KIF17: variants seen among roughly 807,000 people sequenced by gnomAD.
The protein encoded by KIF17 is kinesin family member 17.
A neutral mutation model predicts 96.8 loss-of-function variants in KIF17; 80 were observed. The ratio of observed to expected loss-of-function variants is 0.83; its 90% CI spans 0.69 to 1.00. KIF17 has a LOEUF of 1.00. Among genes scored for constraint, KIF17 ranks in the 50% least tolerant of loss-of-function variants. The probability of loss-of-function intolerance (pLI) is 0.00; values close to 1 mark genes in which losing one functional copy is unlikely to be tolerated. For synonymous variants in KIF17, 567 were observed against 587.5 expected (o/e 0.97, Z 0.51); for missense variants, 1,280 against 1,372.9 (o/e 0.93, Z 1.07).
chr1:20,703,486 A>AGATGGATGGATG (rs1491257356), intron 5 of KIF17, among the ~76,000 whole-genome samples: 4 of 103,148 alleles, frequency 3.9e-5, no homozygotes, highest in East Asian at 3.3e-4. Flanking sequence ...ATAGATGGAT[A>AGATGGATGGATG]GATGGATGGA....
chr1:20,707,466 A>AG (rs2054361210), intron 4 of KIF17, among the ~76,000 whole-genome samples: 1 of 75,492 alleles, frequency 1.3e-5, no homozygotes. Context: ...AAACATTCAC[A>AG]GGAAAAAAGG....
Position 20,704,550 on chromosome 1 carries a change from G to A in KIF17, c.1020C>T (p.Arg340=), listed in dbSNP as rs921187363. The part of the protein sequence containing the change: ...NRAKNIRNKP[R]INEDPKDALL... ...GCGCATCCTTGGGGTCCTCATTGAT[G>A]CGCGGCTTGTTCCTGATGTTCTTGG... Residue 340 remains arginine (R), a synonymous_variant, in exon 5 of 15, where the codon CGC becomes CGT. Coordinates refer to ENST00000400463, the MANE Select transcript of KIF17 (RefSeq NM_001122819.3). This position sits in a 1 kb window ranked among gnomAD's most constrained non-coding sequence, Gnocchi z 6.8. The A allele has an allele frequency of 1.2e-6, 2 of 1,614,216 alleles. No homozygotes were observed. Among genetic ancestry groups the A allele is most frequent in the South Asian group, 2.2e-5 (2 of 91,084 alleles).
intron 3 of KIF17, among the ~76,000 whole-genome samples, chr1:20,710,787 G>A (rs2054421858): frequency 6.6e-6 from 1 of 152,186 alleles, no homozygotes. Context: ...AAACAGCCAA[G>A]CCCCACCAAG....
Position 20,715,474 on chromosome 1 carries a change from C to T in KIF17, c.378+19G>A, listed in dbSNP as rs764142714. The T allele has an allele frequency of 2.9e-5, 46 of 1,609,958 alleles. No homozygotes were observed. The South Asian group carries it at 4.8e-4, about 17-fold the overall frequency. Reference sequence around the variant, plus strand: ...AGCTGCAGCTCTGGCCCTGCCCCTTCCCTCTGCGAGGCCCGTACCTGGACG... The same window carrying T: ...AGCTGCAGCTCTGGCCCTGCCCCTTTCCTCTGCGAGGCCCGTACCTGGACG... On this transcript the variant is annotated intron_variant, in intron 2 of 14. Transcript: ENST00000400463.
At chr1:20,671,029 G>C (rs2053639050) in intron 12 of KIF17, among the ~76,000 whole-genome samples, 1 of 152,192 alleles carries the variant, frequency 6.6e-6, no homozygotes, top group Non-Finnish European at 1.5e-5. Context: ...GAGAGGGACA[G>C]TGATCTTCGG....
chr1:20,664,232 A>G lies in KIF17; in HGVS notation c.*352T>C. ...CCACGTGGCAGCTGCTGCCCTCTCC[A>G]TCAGGGCTGGTGAAGGCCGTGAAGC... On this transcript the variant is annotated 3_prime_UTR_variant, in exon 15 of 15. Transcript: ENST00000400463. 1.3e-6 allele frequency: 1 copy of G among 798,166 alleles called. No homozygotes were observed. Among genetic ancestry groups the G allele is most frequent in the Admixed American group, 3.7e-5 (1 of 27,320 alleles). 49.4% of individuals were successfully genotyped at this position (798,166 alleles called of 1,614,324 possible).
At chr1:20,683,073 C>T (rs1201026703) in intron 10 of KIF17, among the ~76,000 whole-genome samples, 189 bp from the exon 11 acceptor site, 1 of 152,182 alleles carries the variant, frequency 6.6e-6, no homozygotes, top group Non-Finnish European at 1.5e-5. Context: ...TCCTGCCCAA[C>T]TCCCTGCCTG....
In KIF17 at chr1:20,670,486, A is replaced by C. The variant is rs779584544; in HGVS notation, c.2725T>G (p.Ser909Ala). ...GCTGGTTTGTTCTGTGGCCCAGTTG[A>C]AACTGCTATGAGAAAACAAAAGCTG... The part of the protein sequence containing the change: ...VITKTSLPVV[S>A]TGPQNKPARK... Residue 909 changes from serine (S) to alanine (A), a missense_variant and splice_region_variant, in exon 13 of 15, where the codon TCA becomes GCA. Ser to Ala is a moderately conservative substitution (Grantham distance 99, BLOSUM62 1). Transcript: ENST00000400463. 6.2e-7 allele frequency: 1 copy of C among 1,614,030 alleles called. No individual in the cohort carries two copies. Among genetic ancestry groups the C allele is most frequent in the East Asian group, 2.2e-5 (1 of 44,886 alleles).
rs1238114479 is a variant in KIF17 at position 20,685,702 on chromosome 1, G to A, written c.2019+344C>T. 6.6e-6 allele frequency among the ~76,000 whole-genome samples: 1 copy of A among 152,052 alleles called. No individual in the cohort carries two copies. Among genetic ancestry groups the A allele is most frequent in the Non-Finnish European group, 1.5e-5 (1 of 68,020 alleles). ...TTGCTCCCCTGGGGTGTTCAAATTG[G>A]GTTCCCCGATGGTGTCATAGGGGCC... is the stretch of plus-strand genomic sequence containing the variant. On this transcript the variant is annotated intron_variant, in intron 9 of 14. Transcript: ENST00000400463. This position sits in a 1 kb window ranked among gnomAD's most constrained non-coding sequence, Gnocchi z 4.1.
chr1:20,716,064 C>A (rs1570491158), intron 1 of KIF17, among the ~76,000 whole-genome samples: 1 of 152,054 alleles, frequency 6.6e-6, no homozygotes, highest in Non-Finnish European at 1.5e-5. Context: ...CTTGGCAACA[C>A]GGTGAAACCC....
Position 20,684,959 on chromosome 1 carries a change from C to T in KIF17, c.2081G>A (p.Trp694Ter), listed in dbSNP as rs1180209726. Residue 694 changes from tryptophan (W) to a stop codon, truncating the protein, a stop_gained, in exon 10 of 15, where the codon TGG (tryptophan) becomes TAG (stop). Coordinates refer to ENST00000400463, the MANE Select transcript of KIF17 (RefSeq NM_001122819.3). LOFTEE classifies it high-confidence loss of function. ...GGCCACCGGGGCCTGAGCCTCCAAC[C>T]ACACGCCAGGCTCTGCTGTCCGCAC... The part of the protein sequence containing the change: ...EVVRTAEPGV[W>*]LEAQAPVALV... The T allele has an allele frequency of 6.2e-7, 1 of 1,605,216 alleles. No individual in the cohort carries two copies. Among genetic ancestry groups the T allele is most frequent in the African/African-American group, 1.3e-5 (1 of 74,862 alleles).
chr1:20,698,291 C>T (rs762611250), intron 6 of KIF17, 88 bp downstream of exon 6: 57 of 863,808 alleles, frequency 6.6e-5, no homozygotes, highest in African/African-American at 2.0e-4. Flanking sequence ...ACGGTGATAT[C>T]GCGTTGGACC....
At chr1:20,690,939 G>A (rs1446362664) in intron 6 of KIF17, among the ~76,000 whole-genome samples, 1 of 151,938 alleles carries the variant, frequency 6.6e-6, no homozygotes, top group African/African-American at 2.4e-5. Context: ...CACCCGCCTT[G>A]GCCTCCCAAA....
At position 20,664,407 on chromosome 1, in the gene KIF17, A is replaced by T; in HGVS notation, c.*177T>A. 1.3e-6 allele frequency: 2 copies of T among 1,505,814 alleles called. No individual in the cohort carries two copies. The highest frequency in any genetic ancestry group is 1.8e-6 in the Non-Finnish European group (2 of 1,130,704). 93.3% of individuals were successfully genotyped at this position (1,505,814 alleles called of 1,614,324 possible). A position where few individuals can be genotyped will look rare whatever the true frequency, so the allele number is the denominator to read the frequency against. On this transcript the variant is annotated 3_prime_UTR_variant, in exon 15 of 15. Transcript: ENST00000400463. Reference sequence around the variant, plus strand: ...TACAGCCTCCGAGGGGCTCCTGCCCAGGGCGGAGGTGGGCTCTCTGGGGAA... The same window carrying T: ...TACAGCCTCCGAGGGGCTCCTGCCCTGGGCGGAGGTGGGCTCTCTGGGGAA...
At chr1:20,689,064 C>G (rs955881634) in intron 7 of KIF17, among the ~76,000 whole-genome samples, 1 of 152,168 alleles carries the variant, frequency 6.6e-6, no homozygotes, top group Non-Finnish European at 1.5e-5. Flanking sequence ...GCTAAATGGC[C>G]TGGATCTCTC....
chr1:20,664,296 C>T lies in KIF17; in HGVS notation c.*288G>A. On this transcript the variant is annotated 3_prime_UTR_variant, in exon 15 of 15. Coordinates refer to ENST00000400463, the MANE Select transcript of KIF17 (RefSeq NM_001122819.3). The stretch of plus-strand genomic sequence containing the variant: ...TGAGGCAAAGACCAACACTGGTGGG[C>T]ATGGGTGTGGGCTCTGTGGCAGGTG... The T allele has an allele frequency of 7.5e-7, 1 of 1,335,554 alleles. No individual in the cohort carries two copies. The highest frequency in any genetic ancestry group is 1.6e-5 in the South Asian group (1 of 64,100). 82.7% of individuals were successfully genotyped at this position (1,335,554 alleles called of 1,614,324 possible). A position where few individuals can be genotyped will look rare whatever the true frequency, so the allele number is the denominator to read the frequency against.
chr1:20,682,766 C>CT lies in KIF17; in HGVS notation c.2349_2350insA (p.Ala784SerfsTer7). 1 of 1,613,070 alleles carries CT rather than the reference C, an allele frequency of 6.2e-7. No individual in the cohort carries two copies. Among genetic ancestry groups the CT allele is most frequent in the Non-Finnish European group, 8.5e-7 (1 of 1,180,032 alleles). The stretch of plus-strand genomic sequence containing the variant: ...CTGTCCTCATCCGAGTTCTGCAGGG[C>CT]AGCCACCAGCTGCTTCCTGCGCTCG... On this transcript the variant is annotated frameshift_variant, in exon 11 of 15. Transcript: ENST00000400463. LOFTEE classifies it high-confidence loss of function.
chr1:20,673,217 A>G (rs1038849397), intron 11 of KIF17, among the ~76,000 whole-genome samples: 1 of 151,996 alleles, frequency 6.6e-6, no homozygotes. Context: ...CTGTCTCAAA[A>G]TAAATAAATA....
intron 11 of KIF17, among the ~76,000 whole-genome samples, chr1:20,682,238 G>A (rs1200439200): frequency 1.3e-5 from 2 of 152,126 alleles, no homozygotes; most frequent in South Asian, 2.1e-4. Context: ...GCTCCACAGC[G>A]ACAGGGACAC....
Sources: allele counts gnomAD v4.1 joint callset (sites outside exome capture counted in the v4.1 genomes callset), GRCh38; gene constraint gnomAD v4.1.1; non-coding constraint Gnocchi (gnomAD v3.1); transcripts MANE v1.5; gene names NCBI Gene and HGNC (gene_info 2026-07-23, HGNC 2026-07-21).